Variants in ZMYM4 observed in about 807,000 individuals in gnomAD.
ZMYM4 encodes zinc finger MYM-type protein 4.
Under a neutral mutation model 183.2 loss-of-function variants are expected in ZMYM4, and 31 were observed. The observed-to-expected ratio is 0.17, with a 90% CI of 0.13 to 0.23. The LOEUF is 0.23. Ranked by LOEUF, ZMYM4 falls within the 10% of genes least tolerant of loss-of-function variation. The pLI is 1.00. For missense variants in ZMYM4, 1,273 were observed against 1,840.3 expected (o/e 0.69, Z 5.64); for synonymous variants, 592 against 631.2 (o/e 0.94, Z 0.93).
In ZMYM4 at chr1:35,299,314, G is replaced by A. The variant is rs372418866; in HGVS notation, c.40-26046G>A. 5.8e-4 allele frequency among the ~76,000 whole-genome samples: 88 copies of A among 152,014 alleles called. 1 individual carries two copies. The highest frequency in any genetic ancestry group is 2.1e-3 in the African/African-American group (86 of 41,450). ...TCAGGTTCTTGGCGTCTTGAACAAAGAATTGGACAAAACACACAAACAAAG... is the reference window on the plus strand; with the variant it reads ...TCAGGTTCTTGGCGTCTTGAACAAAAAATTGGACAAAACACACAAACAAAG... On this transcript the variant is annotated intron_variant, in intron 1 of 29. Transcript: ENST00000314607.
chr1:35,408,023 T>A lies in ZMYM4; in HGVS notation c.3812T>A (p.Leu1271Gln). Reference sequence around the variant, plus strand: ...CTTTCCACAGTCCGCTCTATCAAGCTGAAGGAAGACATTCTGTCCTGCACT... The same window carrying A: ...CTTTCCACAGTCCGCTCTATCAAGCAGAAGGAAGACATTCTGTCCTGCACT... The part of the protein sequence containing the change: ...EPGCRVRSIK[L>Q]KEDILSCTFA... The change falls in exon 26 of 30, where the codon CTG (leucine) becomes CAG (glutamine). Residue 1271 changes from leucine to glutamine, a missense_variant. By Grantham distance (113) the Leu-to-Gln change is moderately radical. Transcript: ENST00000314607. 2 of 1,614,250 alleles carry A rather than the reference T, an allele frequency of 1.2e-6. No homozygotes were observed. Among genetic ancestry groups the A allele is most frequent in the Non-Finnish European group, 1.7e-6 (2 of 1,180,036 alleles).
chr1:35,402,548 G>A (rs372367026), intron 23 of ZMYM4, among the ~76,000 whole-genome samples: 4 of 151,988 alleles, frequency 2.6e-5, no homozygotes, highest in Admixed American at 6.6e-5. Context: ...GCCTAGGGGG[G>A]GTCGAGGCTG....
At chr1:35,274,516 G>C (rs1024981081) in intron 1 of ZMYM4, among the ~76,000 whole-genome samples, 4 of 151,790 alleles carry the variant, frequency 2.6e-5, no homozygotes, top group African/African-American at 9.7e-5. Context: ...ATTGCTTGGA[G>C]GATTGCTTGA....
chr1:35,379,228 G>A (rs867050380), intron 7 of ZMYM4, among the ~76,000 whole-genome samples: 39 of 152,138 alleles, frequency 2.6e-4, no homozygotes, highest in African/African-American at 8.7e-4. Context: ...AGCCTCCCAA[G>A]TAGCTCAGAC....
intron 1 of ZMYM4, among the ~76,000 whole-genome samples, chr1:35,306,886 C>A (rs11264134): frequency 6.6e-6 from 1 of 152,168 alleles, no homozygotes; most frequent in East Asian, 1.9e-4. Flanking sequence ...TTCTTCTTCC[C>A]CTTGATACCA....
intron 1 of ZMYM4, among the ~76,000 whole-genome samples, chr1:35,294,134 CAAAA>C (rs566640178): frequency 7.9e-6 from 1 of 126,960 alleles, no homozygotes; most frequent in Admixed American, 8.1e-5. Context: ...GACACTGTCT[CAAAA>C]AAAAAAAAAA....
Position 35,397,521 on chromosome 1 carries a change from GAGA to G in ZMYM4, c.3182_3184del (p.Lys1061del), listed in dbSNP as rs761902338. The G allele has an allele frequency of 3.3e-5, 54 of 1,612,618 alleles. No homozygotes were observed. The highest frequency in any genetic ancestry group is 4.3e-5 in the Non-Finnish European group (51 of 1,179,394). On this transcript the variant is annotated inframe_deletion, in exon 20 of 30. Coordinates refer to ENST00000314607, the MANE Select transcript of ZMYM4 (RefSeq NM_005095.3). ...GGCAGAAATGATTGCAGAAGATGAAGAGAAGAAGACTCTATCTCAGGGAGGTTG... is the reference window on the plus strand; with the variant it reads ...GGCAGAAATGATTGCAGAAGATGAAGAGAAGACTCTATCTCAGGGAGGTTG...
At chr1:35,343,782 T>C (rs1025953977) in intron 2 of ZMYM4, among the ~76,000 whole-genome samples, 2 of 151,654 alleles carry the variant, frequency 1.3e-5, no homozygotes, top group African/African-American at 4.8e-5. Flanking sequence ...GACAATTGCT[T>C]GCACCCGGGA....
intron 1 of ZMYM4, among the ~76,000 whole-genome samples, chr1:35,279,179 G>A (rs1174182091): frequency 6.6e-6 from 1 of 152,134 alleles, no homozygotes; most frequent in Non-Finnish European, 1.5e-5. Context: ...CTGAAGGGTT[G>A]CACATGTTTG....
At chr1:35,362,729 G>A (rs1643968163) in intron 5 of ZMYM4, among the ~76,000 whole-genome samples, 1 of 151,562 alleles carries the variant, frequency 6.6e-6, no homozygotes, top group South Asian at 2.1e-4. Flanking sequence ...TTGAGACAAG[G>A]TCTTGCTCTC....
chr1:35,291,431 C>T (rs1640755567), intron 1 of ZMYM4, among the ~76,000 whole-genome samples: 1 of 151,948 alleles, frequency 6.6e-6, no homozygotes, highest in Non-Finnish European at 1.5e-5. Flanking sequence ...TTGATGAAGT[C>T]TACTTTATCA....
chr1:35,290,709 G>A (rs1242798806), intron 1 of ZMYM4, among the ~76,000 whole-genome samples: 2 of 152,156 alleles, frequency 1.3e-5, no homozygotes, highest in African/African-American at 2.4e-5. Context: ...TGGGATTATA[G>A]GAATGAGCCA....
chr1:35,321,817 A>T (rs573123632), intron 1 of ZMYM4, among the ~76,000 whole-genome samples: 1 of 152,202 alleles, frequency 6.6e-6, no homozygotes, highest in African/African-American at 2.4e-5. Flanking sequence ...ATTAAATTTT[A>T]AAAAATTAAA....
At chr1:35,319,124 C>G (rs1642179348) in intron 1 of ZMYM4, among the ~76,000 whole-genome samples, 1 of 152,100 alleles carries the variant, frequency 6.6e-6, no homozygotes, top group African/African-American at 2.4e-5. Flanking sequence ...AGGTGATCAG[C>G]CCGCCTCGGC....
At chr1:35,398,205 C>T (rs1644842932) in intron 20 of ZMYM4, among the ~76,000 whole-genome samples, 1 of 152,190 alleles carries the variant, frequency 6.6e-6, no homozygotes, top group Admixed American at 6.5e-5. Context: ...GCACATGATA[C>T]TAACCAGAAT....
rs953133419 is a variant in ZMYM4 at position 35,404,963 on chromosome 1, C to G, written c.3529-60C>G. 3 of 1,505,582 alleles carry G rather than the reference C, an allele frequency of 2.0e-6. No individual in the cohort carries two copies. The African/African-American group carries it at 4.2e-5, about 21-fold the overall frequency. 93.3% of individuals were successfully genotyped at this position (1,505,582 alleles called of 1,614,324 possible). On this transcript the variant is annotated intron_variant, in intron 23 of 29. Coordinates refer to ENST00000314607, the MANE Select transcript of ZMYM4 (RefSeq NM_005095.3). ...TATACCCTTTCCAGCTTTGAGAACCCTGACTCTTAAAAATCCAAAACTAAA... is the reference window on the plus strand; with the variant it reads ...TATACCCTTTCCAGCTTTGAGAACCGTGACTCTTAAAAATCCAAAACTAAA...
chr1:35,310,738 G>A (rs1570320821), intron 1 of ZMYM4, among the ~76,000 whole-genome samples: 2 of 151,694 alleles, frequency 1.3e-5, no homozygotes, highest in South Asian at 4.2e-4. Flanking sequence ...ACCATCACAC[G>A]CAGCTAATTT....
intron 19 of ZMYM4, chr1:35,397,073 C>A: frequency 1.9e-6 from 2 of 1,042,624 alleles, no homozygotes; most frequent in Non-Finnish European, 2.3e-6. Context: ...TTAAAGGAAA[C>A]AGTTATGAGA....
chr1:35,350,261 T>TTAA (rs1405189800), intron 2 of ZMYM4, among the ~76,000 whole-genome samples: 1 of 151,390 alleles, frequency 6.6e-6, no homozygotes, highest in Non-Finnish European at 1.5e-5. Flanking sequence ...CTCAGGGAAT[T>TTAA]GTTAGAGAAC....
Sources: allele counts gnomAD v4.1 joint callset (sites outside exome capture counted in the v4.1 genomes callset), GRCh38; gene constraint gnomAD v4.1.1; transcripts MANE v1.5; gene names NCBI Gene and HGNC (gene_info 2026-07-23, HGNC 2026-07-21).